The following SPIDR variants were observed in gnomAD, a reference collection of about 807,000 sequenced individuals.
The protein encoded by SPIDR is DNA repair-scaffolding protein.
Under a neutral mutation model 104.6 loss-of-function variants are expected in SPIDR, and 93 were observed. The observed-to-expected ratio is 0.89, with a 90% CI of 0.75 to 1.06. The LOEUF is 1.06. SPIDR is among the 50% of genes least tolerant of loss of function. The pLI is 0.00. For missense variants in SPIDR, 1,154 were observed against 1,111.2 expected (o/e 1.04, Z -0.55); for synonymous variants, 431 against 416.9 (o/e 1.03, Z -0.41).
intron 11 of SPIDR, among the ~76,000 whole-genome samples, chr8:47,699,033 A>C (rs1261086216): frequency 6.6e-6 from 1 of 152,188 alleles, no homozygotes; most frequent in Non-Finnish European, 1.5e-5. Flanking sequence ...TGTATAAAGA[A>C]ATTTTTTTTA....
chr8:47,549,216 G>A (rs1027655859), intron 8 of SPIDR, among the ~76,000 whole-genome samples: 12 of 152,112 alleles, frequency 7.9e-5, no homozygotes, highest in Non-Finnish European at 1.8e-4. Context: ...TGTGAATATT[G>A]CTGCAATAAA....
At chr8:47,326,119 G>A (rs2047621542) in intron 5 of SPIDR, among the ~76,000 whole-genome samples, 2 of 152,030 alleles carry the variant, frequency 1.3e-5, no homozygotes, top group Admixed American at 6.6e-5. Flanking sequence ...CTCTGCCTCC[G>A]AAGTAGCTAA....
At chr8:47,447,170 G>T (rs1294342174) in intron 8 of SPIDR, among the ~76,000 whole-genome samples, 2 of 152,164 alleles carry the variant, frequency 1.3e-5, no homozygotes, top group Non-Finnish European at 2.9e-5. Context: ...AATGGATGAG[G>T]AGTTGGTTCT....
intron 11 of SPIDR, among the ~76,000 whole-genome samples, chr8:47,675,907 A>AGG (rs1016855156): frequency 3.3e-5 from 5 of 152,192 alleles, no homozygotes; most frequent in African/African-American, 1.2e-4. Flanking sequence ...TTTAGAGGGG[A>AGG]GGGCTCTTTC....
In SPIDR at chr8:47,599,096, G is replaced by C; in HGVS notation, c.1444G>C (p.Val482Leu). The C allele has an allele frequency of 6.2e-7, 1 of 1,612,838 alleles. No homozygotes were observed. Among genetic ancestry groups the C allele is most frequent in the Non-Finnish European group, 8.5e-7 (1 of 1,179,440 alleles). ...QGAASWPGAG[V>L]RVVVQRVYSL... is the part of the protein sequence containing the mutation. ...AGCTGCCTCGTGGCCAGGAGCTGGA[G>C]TCCGAGTGGTGGTGCAAAGAGTGTA... is the stretch of plus-strand genomic sequence containing the variant. The change falls in exon 10 of 20, where the codon GTC (valine) becomes CTC (leucine). Residue 482 changes from valine (V) to leucine (L), a missense_variant. Val to Leu is a conservative substitution (Grantham distance 32, BLOSUM62 1). Transcript: ENST00000297423.
intron 8 of SPIDR, among the ~76,000 whole-genome samples, chr8:47,471,005 A>T (rs1393108506): frequency 6.6e-6 from 1 of 152,210 alleles, no homozygotes; most frequent in Non-Finnish European, 1.5e-5. Flanking sequence ...AAGTGCTGGG[A>T]TTACAGGCTT....
At chr8:47,389,179 C>T (rs545674309) in intron 5 of SPIDR, among the ~76,000 whole-genome samples, 2 of 152,222 alleles carry the variant, frequency 1.3e-5, no homozygotes, top group East Asian at 3.9e-4. Context: ...ATAAAAGATC[C>T]TGACTTACTC....
At chr8:47,360,268 A>G (rs933947922) in intron 5 of SPIDR, among the ~76,000 whole-genome samples, 1 of 150,658 alleles carries the variant, frequency 6.6e-6, no homozygotes, top group Non-Finnish European at 1.5e-5. Context: ...AAAAAAAAAA[A>G]AAAGAAATAG....
intron 8 of SPIDR, among the ~76,000 whole-genome samples, chr8:47,545,356 A>C (rs2089166923): frequency 6.6e-6 from 1 of 151,896 alleles, no homozygotes; most frequent in South Asian, 2.1e-4. Flanking sequence ...GGTGTGAGCC[A>C]CTGTGCCCGG....
chr8:47,565,562 T>C (rs1362477363), intron 8 of SPIDR, among the ~76,000 whole-genome samples: 1 of 152,128 alleles, frequency 6.6e-6, no homozygotes, highest in Non-Finnish European at 1.5e-5. Flanking sequence ...CTTTTAAAAA[T>C]GTAAAATATC....
chr8:47,705,712 T>C (rs554147537), intron 14 of SPIDR, among the ~76,000 whole-genome samples: 30 of 152,124 alleles, frequency 2.0e-4, no homozygotes, highest in South Asian at 1.9e-3. Flanking sequence ...CAGACCAACC[T>C]GGTCAACAAA....
chr8:47,646,331 C>A (rs1358919713), intron 10 of SPIDR, among the ~76,000 whole-genome samples: 8 of 152,160 alleles, frequency 5.3e-5, no homozygotes, highest in South Asian at 2.1e-4. Flanking sequence ...TGTCACCACT[C>A]CAGAGAGAGC....
At chr8:47,679,351 C>T (rs1280377159) in intron 11 of SPIDR, among the ~76,000 whole-genome samples, 6 of 152,348 alleles carry the variant, frequency 3.9e-5, no homozygotes, top group African/African-American at 1.4e-4. Flanking sequence ...CCAGTGCTGG[C>T]CCATGGCACG....
In SPIDR at chr8:47,736,252, G is replaced by GT. The variant is rs780309297; in HGVS notation, c.*803dup. The GT allele has an allele frequency of 2.6e-5, 4 of 152,242 alleles. No individual in the cohort carries two copies. The highest frequency in any genetic ancestry group is 6.5e-5 in the Admixed American group (1 of 15,282). The allele number at this position is 152,242 out of a possible 1,614,324, so 9.4% of individuals were successfully genotyped here. ...CCATGGTTAACTACATCAGATACAC[G>GT]TAGCAGCCGTGACCAAGACATGGTG... On this transcript the variant is annotated 3_prime_UTR_variant, in exon 20 of 20. Transcript: ENST00000297423.
At chr8:47,682,189 A>G (rs2077173563) in intron 11 of SPIDR, among the ~76,000 whole-genome samples, 1 of 151,832 alleles carries the variant, frequency 6.6e-6, no homozygotes, top group Non-Finnish European at 1.5e-5. Context: ...TATTACGTCC[A>G]AAGTGAACTA....
chr8:47,588,101 G>T (rs2060519708), intron 8 of SPIDR, among the ~76,000 whole-genome samples: 2 of 90,580 alleles, frequency 2.2e-5, no homozygotes, highest in South Asian at 4.0e-4. Flanking sequence ...GTATGTATCT[G>T]CAAACAAAAT....
intron 16 of SPIDR, among the ~76,000 whole-genome samples, chr8:47,722,644 A>C (rs1362428626): frequency 6.6e-6 from 1 of 152,210 alleles, no homozygotes; most frequent in South Asian, 2.1e-4. Context: ...ATTCTGTTGT[A>C]TAACTATAAT....
intron 10 of SPIDR, among the ~76,000 whole-genome samples, chr8:47,633,365 G>C (rs1357283225): frequency 6.6e-6 from 1 of 152,116 alleles, no homozygotes; most frequent in East Asian, 1.9e-4. Flanking sequence ...TTTGTTGACT[G>C]TGTGGGTAGC....
intron 5 of SPIDR, among the ~76,000 whole-genome samples, chr8:47,298,715 T>G (rs1305805563): frequency 2.0e-5 from 3 of 152,236 alleles, no homozygotes; most frequent in Admixed American, 6.5e-5. Context: ...TAGGGAATCC[T>G]TTCCCCATTT....
Sources: allele counts gnomAD v4.1 joint callset (sites outside exome capture counted in the v4.1 genomes callset), GRCh38; gene constraint gnomAD v4.1.1; transcripts MANE v1.5; gene names NCBI Gene and HGNC (gene_info 2026-07-23, HGNC 2026-07-21).